Variants in ESRRG observed in about 807,000 individuals in gnomAD.
The protein encoded by ESRRG is estrogen-related receptor gamma.
Under a neutral mutation model 44.0 loss-of-function variants are expected in ESRRG, and 13 were observed. The observed-to-expected ratio is 0.30, with a 90% CI of 0.19 to 0.47. ESRRG has a LOEUF of 0.47. Among genes scored for constraint, ESRRG ranks in the 20% least tolerant of loss-of-function variants. The pLI is 1.00. For synonymous variants in ESRRG, 215 were observed against 214.6 expected, an observed-to-expected ratio of 1.00 and a Z score of -0.02; for missense variants, 395 against 580.6, an observed-to-expected ratio of 0.68 and a Z score of 3.29.
At chr1:216,825,177 C>G (rs1160218000) in intron 2 of ESRRG, among the ~76,000 whole-genome samples, 1 of 152,206 alleles carries the variant, frequency 6.6e-6, no homozygotes, top group Admixed American at 6.5e-5. Flanking sequence ...ATCATTACCT[C>G]TACATGTCAA....
intron 1 of ESRRG, among the ~76,000 whole-genome samples, chr1:216,680,964 G>A (rs2076938819): frequency 6.6e-6 from 1 of 152,136 alleles, no homozygotes; most frequent in African/African-American, 2.4e-5. Context: ...TCAAAATGAT[G>A]GCTTTATCTG....
intron 1 of ESRRG, among the ~76,000 whole-genome samples, chr1:216,939,979 G>T (rs2064943926): frequency 6.6e-6 from 1 of 151,956 alleles, no homozygotes; most frequent in South Asian, 2.1e-4. Context: ...TATAGCAAAT[G>T]CTCTGGTTAG....
At chr1:216,817,876 C>G (rs552537508) in intron 2 of ESRRG, among the ~76,000 whole-genome samples, 1 of 151,986 alleles carries the variant, frequency 6.6e-6, no homozygotes, top group East Asian at 1.9e-4. Flanking sequence ...GCAGAACAGA[C>G]TGAAATAATA....
upstream of ESRRG, among the ~76,000 whole-genome samples, chr1:217,092,726 T>C: frequency 6.6e-6 from 1 of 152,346 alleles, no homozygotes; most frequent in East Asian, 1.9e-4. Context: ...ATTTTTCCGC[T>C]TTCTCTTCGG....
intron 2 of ESRRG, among the ~76,000 whole-genome samples, chr1:216,827,529 C>T (rs911894800): frequency 6.6e-6 from 1 of 152,160 alleles, no homozygotes; most frequent in African/African-American, 2.4e-5. Context: ...TGACCTATGT[C>T]TTCGTATGCA....
intron 2 of ESRRG, among the ~76,000 whole-genome samples, chr1:216,817,504 A>G (rs2095175553): frequency 6.6e-6 from 1 of 152,202 alleles, no homozygotes; most frequent in Non-Finnish European, 1.5e-5. Context: ...TGATACAAAT[A>G]TTATGTGGGC....
intron 2 of ESRRG, among the ~76,000 whole-genome samples, chr1:216,919,771 ATGCTTT>A (rs1229214874): frequency 6.6e-6 from 1 of 152,186 alleles, no homozygotes; most frequent in Non-Finnish European, 1.5e-5. Context: ...AAGCAGAACC[ATGCTTT>A]TGCTTGGGTC....
chr1:216,582,975 A>G lies in ESRRG; in HGVS notation c.590-14877T>C, dbSNP rs1030479654. On this transcript the variant is annotated intron_variant, in intron 3 of 6. Coordinates refer to ENST00000408911, the MANE Select transcript of ESRRG (RefSeq NM_001438.4). ...ACCTAAAGTGGTGGGAGAATGGGAG[A>G]ATGGCCAGGAAAGACTTCATGAGAA... 7.9e-5 allele frequency among the ~76,000 whole-genome samples: 12 copies of G among 152,120 alleles called. No homozygotes were observed. The South Asian group carries it at 8.3e-4, about 10-fold the overall frequency.
chr1:216,599,821 AG>A (rs2058952963), intron 3 of ESRRG, among the ~76,000 whole-genome samples: 2 of 150,728 alleles, frequency 1.3e-5, no homozygotes, highest in Non-Finnish European at 2.9e-5. Context: ...GAGAATTAAC[AG>A]GAAAAAAAAA....
At chr1:217,067,233 T>C (rs1330542674) in intron 1 of ESRRG, among the ~76,000 whole-genome samples, 1 of 152,214 alleles carries the variant, frequency 6.6e-6, no homozygotes, top group East Asian at 1.9e-4. Flanking sequence ...ACATAGCAAA[T>C]GAATGTAGGC....
At chr1:216,804,835 T>C (rs1308034283) in intron 2 of ESRRG, 1 of 152,180 alleles carries the variant, frequency 6.6e-6, no homozygotes, top group Non-Finnish European at 1.5e-5. Flanking sequence ...CTCCTTTAAA[T>C]GTTTCCAATT....
chr1:216,589,112 G>T (rs1467494316), intron 3 of ESRRG, among the ~76,000 whole-genome samples: 1 of 152,194 alleles, frequency 6.6e-6, no homozygotes, highest in Non-Finnish European at 1.5e-5. Context: ...TACTTGAGAT[G>T]ATTTTGAGAA....
At chr1:216,778,867 A>T (rs145852035) in intron 2 of ESRRG, among the ~76,000 whole-genome samples, 196 of 151,648 alleles carry the variant, frequency 1.3e-3, no homozygotes, top group African/African-American at 4.6e-3. Flanking sequence ...CATACTGGAG[A>T]TGAGACAGAA....
At chr1:216,889,753 G>A (rs755820983) in intron 2 of ESRRG, among the ~76,000 whole-genome samples, 12 of 152,060 alleles carry the variant, frequency 7.9e-5, no homozygotes, top group African/African-American at 2.4e-4. Context: ...CACTGATTTC[G>A]CTTTCCTGAT....
intron 2 of ESRRG, among the ~76,000 whole-genome samples, chr1:216,867,171 G>A (rs1042199947): frequency 6.6e-6 from 1 of 152,150 alleles, no homozygotes; most frequent in Non-Finnish European, 1.5e-5. Context: ...TATGCATATG[G>A]GAAAACTGAG....
chr1:216,665,528 C>T (rs147176073), intron 2 of ESRRG, among the ~76,000 whole-genome samples: 6 of 152,144 alleles, frequency 3.9e-5, no homozygotes, highest in African/African-American at 1.4e-4. Context: ...TGGTGGCTAG[C>T]AGGGACTGGG....
chr1:217,023,520 G>C (rs565197073), intron 1 of ESRRG, among the ~76,000 whole-genome samples: 127 of 152,238 alleles, frequency 8.3e-4, no homozygotes, highest in Non-Finnish European at 1.6e-3. Flanking sequence ...GAGTGAGGGT[G>C]GGTTTTTGTC....
intron 6 of ESRRG, among the ~76,000 whole-genome samples, chr1:216,517,691 T>C (rs1270455158): frequency 6.6e-6 from 1 of 152,158 alleles, no homozygotes; most frequent in Non-Finnish European, 1.5e-5. Context: ...CCATACAAAC[T>C]AATAAATCCT....
chr1:216,891,438 A>G (rs2057772177), intron 2 of ESRRG, among the ~76,000 whole-genome samples: 1 of 152,284 alleles, frequency 6.6e-6, no homozygotes, highest in African/African-American at 2.4e-5. Context: ...GGGGACGTGC[A>G]TATGCACACA....
Sources: gnomAD v4.1 joint callset for allele counts (sites outside exome capture counted in the v4.1 genomes callset) on GRCh38, gnomAD v4.1.1 for gene constraint, MANE v1.5 for transcripts, NCBI Gene and HGNC (gene_info 2026-07-23, HGNC 2026-07-21) for gene names.